The following MCPH1 variants were observed in gnomAD, a reference collection of about 807,000 sequenced individuals.
The protein encoded by MCPH1 is microcephalin.
A neutral mutation model predicts 84.5 loss-of-function variants in MCPH1; 104 were observed. That is an observed-to-expected ratio of 1.23 (90% CI 1.05 to 1.45). MCPH1 has a LOEUF of 1.45. Ranked by LOEUF, MCPH1 falls within the 40% of genes most tolerant of loss-of-function variation. MCPH1 has a pLI of 0.00. For synonymous variants in MCPH1, 514 were observed against 366.8 expected, an observed-to-expected ratio of 1.40 and a Z score of -4.58; for missense variants, 1,498 against 1,005.7, an observed-to-expected ratio of 1.49 and a Z score of -6.62.
intron 8 of MCPH1, among the ~76,000 whole-genome samples, chr8:6,454,763 A>C (rs770483743): frequency 3.9e-5 from 6 of 152,190 alleles, no homozygotes; most frequent in Non-Finnish European, 7.3e-5. Context: ...CAAAAGTTAG[A>C]TTAATTATTG....
intron 9 of MCPH1, among the ~76,000 whole-genome samples, chr8:6,458,820 GT>G (rs1425967132): frequency 6.6e-6 from 1 of 151,914 alleles, no homozygotes; most frequent in Non-Finnish European, 1.5e-5. Context: ...AATTTTTTAA[GT>G]TTTTTGTAGA....
In MCPH1 at chr8:6,642,807, G is replaced by C. The variant is rs959627080; in HGVS notation, c.2453-187G>C. On this transcript the variant is annotated intron_variant, in intron 13 of 13. Coordinates refer to ENST00000344683, the MANE Select transcript of MCPH1 (RefSeq NM_024596.5). ...GTGACTGAGAACTGAATGTTTCATT[G>C]TATTGAATTTCGTTTCACGTTAATT... 6 of 655,642 alleles carry C rather than the reference G, an allele frequency of 9.2e-6. No individual in the cohort carries two copies. The African/African-American group carries it at 1.1e-4, about 12-fold the overall frequency. The allele number at this position is 655,642 out of a possible 1,614,324, so 40.6% of individuals were successfully genotyped here. A position where few individuals can be genotyped will look rare whatever the true frequency, so the allele number is the denominator to read the frequency against.
At chr8:6,640,311 ATT>A (rs1177967268) in intron 13 of MCPH1, among the ~76,000 whole-genome samples, 3 of 152,140 alleles carry the variant, frequency 2.0e-5, no homozygotes, top group Non-Finnish European at 4.4e-5. Context: ...AATTTACACT[ATT>A]ACTAACGGTA....
intron 8 of MCPH1, chr8:6,446,100 G>C (rs1346160996): frequency 1.0e-6 from 1 of 974,666 alleles, no homozygotes; most frequent in Non-Finnish European, 1.2e-6. Context: ...TTGATCATTT[G>C]TAACAAGCCT....
intron 12 of MCPH1, among the ~76,000 whole-genome samples, chr8:6,560,466 G>A (rs977922261): frequency 2.0e-5 from 3 of 152,164 alleles, no homozygotes; most frequent in Non-Finnish European, 4.4e-5. Flanking sequence ...ATCACTTTAA[G>A]TGGGTTTCAT....
At chr8:6,597,095 T>C (rs57689052) in intron 12 of MCPH1, among the ~76,000 whole-genome samples, 2,742 of 152,316 alleles carry the variant, frequency 0.018, 89 homozygotes, top group African/African-American at 0.062. Context: ...GCCCTCTGCC[T>C]GGTGTGTGAT....
intron 12 of MCPH1, among the ~76,000 whole-genome samples, chr8:6,542,728 A>G (rs776755704): frequency 1.3e-5 from 2 of 152,126 alleles, no homozygotes. Context: ...TTTCTGTGTT[A>G]CATGGGTTTG....
chr8:6,443,488 A>C (rs750088295), intron 7 of MCPH1, among the ~76,000 whole-genome samples: 4 of 152,212 alleles, frequency 2.6e-5, no homozygotes, highest in Non-Finnish European at 5.9e-5. Context: ...GAGTTCTAAC[A>C]CTTACGTGAC....
chr8:6,573,983 C>T (rs144843769), intron 12 of MCPH1, among the ~76,000 whole-genome samples: 119 of 152,328 alleles, frequency 7.8e-4, no homozygotes, highest in African/African-American at 2.7e-3. Context: ...GGAGAATGCA[C>T]TTTCATCATG....
chr8:6,549,516 G>A (rs149108312), intron 12 of MCPH1, among the ~76,000 whole-genome samples: 5 of 152,282 alleles, frequency 3.3e-5, no homozygotes, highest in African/African-American at 1.2e-4. Flanking sequence ...TCTTGAGCTG[G>A]GCAGTCATTA....
At chr8:6,604,340 T>C (rs1302461759) in intron 12 of MCPH1, among the ~76,000 whole-genome samples, 1 of 152,204 alleles carries the variant, frequency 6.6e-6, no homozygotes, top group Non-Finnish European at 1.5e-5. Context: ...GACCGAGAAG[T>C]AGAAACTAGG....
At chr8:6,482,292 A>T (rs1809343342) in intron 11 of MCPH1, among the ~76,000 whole-genome samples, 1 of 152,204 alleles carries the variant, frequency 6.6e-6, no homozygotes. Flanking sequence ...AATCTATGGA[A>T]AAAATGACTC....
chr8:6,578,658 C>A (rs1047148889), intron 12 of MCPH1, among the ~76,000 whole-genome samples: 2 of 152,132 alleles, frequency 1.3e-5, no homozygotes, highest in South Asian at 2.1e-4. Context: ...CAAAACCCTG[C>A]GTGGAAGATG....
chr8:6,620,667 A>G (rs1184472095), intron 12 of MCPH1, among the ~76,000 whole-genome samples: 2 of 152,246 alleles, frequency 1.3e-5, no homozygotes, highest in Admixed American at 6.5e-5. Flanking sequence ...TGGATGGCAC[A>G]TAACCCATAG....
intron 12 of MCPH1, among the ~76,000 whole-genome samples, chr8:6,564,975 A>G (rs1270321643): frequency 1.3e-5 from 2 of 152,240 alleles, no homozygotes; most frequent in African/African-American, 4.8e-5. Flanking sequence ...TCTCATTAGT[A>G]GAAGAGGTAG....
At chr8:6,483,531 G>C (rs1809484175) in intron 11 of MCPH1, among the ~76,000 whole-genome samples, 1 of 152,148 alleles carries the variant, frequency 6.6e-6, no homozygotes, top group African/African-American at 2.4e-5. Context: ...TTTTCACAAA[G>C]GCATGAAGGC....
intron 11 of MCPH1, among the ~76,000 whole-genome samples, chr8:6,485,294 C>T (rs1389613007): frequency 1.3e-5 from 2 of 151,882 alleles, no homozygotes; most frequent in Non-Finnish European, 2.9e-5. Flanking sequence ...CACTGCACTC[C>T]AGCCTGGGTG....
At chr8:6,606,908 C>T (rs1240521103) in intron 12 of MCPH1, among the ~76,000 whole-genome samples, 1 of 152,236 alleles carries the variant, frequency 6.6e-6, no homozygotes, top group East Asian at 1.9e-4. Flanking sequence ...ATGTGCCTTT[C>T]ACCTTCCACT....
intron 8 of MCPH1, chr8:6,447,419 A>C (rs926901630): frequency 1.0e-6 from 1 of 985,204 alleles, no homozygotes; most frequent in Non-Finnish European, 1.2e-6. Context: ...TTTTCAGTTC[A>C]CTTTTACTTG....
Sources: gnomAD v4.1 joint callset for allele counts (sites outside exome capture counted in the v4.1 genomes callset) on GRCh38, gnomAD v4.1.1 for gene constraint, MANE v1.5 for transcripts, NCBI Gene and HGNC (gene_info 2026-07-23, HGNC 2026-07-21) for gene names.